The following GPC6 variants were observed in gnomAD, a reference collection of about 807,000 sequenced individuals.
GPC6 encodes glypican-6.
GPC6 carries 14 observed loss-of-function variants against 55.2 expected under a neutral mutation model. That is an observed-to-expected ratio of 0.25 (90% CI 0.17 to 0.40). The LOEUF (loss-of-function observed/expected upper bound fraction) is 0.40. Among genes scored for constraint, GPC6 ranks in the 10% least tolerant of loss-of-function variants. The pLI, the probability that GPC6 is intolerant of heterozygous loss-of-function variation, is 1.00. For missense variants in GPC6, 641 were observed against 708.5 expected, an observed-to-expected ratio of 0.90 and a Z score of 1.08; for synonymous variants, 278 against 259.6, an observed-to-expected ratio of 1.07 and a Z score of -0.68.
At chr13:93,799,888 G>GA (rs993042027) in intron 2 of GPC6, among the ~76,000 whole-genome samples, 8 of 152,122 alleles carry the variant, frequency 5.3e-5, no homozygotes, top group African/African-American at 7.2e-5. Flanking sequence ...CTATCTAGTG[G>GA]AAAAAATTCC....
chr13:93,538,308 A>G (rs1006822663), intron 1 of GPC6, among the ~76,000 whole-genome samples: 1 of 152,204 alleles, frequency 6.6e-6, no homozygotes, highest in Non-Finnish European at 1.5e-5. Context: ...ATATGTAAGA[A>G]GCTGCCTTAC....
chr13:93,418,380 T>A (rs1360189588), intron 1 of GPC6, among the ~76,000 whole-genome samples: 2 of 151,334 alleles, frequency 1.3e-5, no homozygotes, highest in Non-Finnish European at 3.0e-5. Flanking sequence ...AGTATTATTT[T>A]ATTAATAACA....
At chr13:93,580,980 T>C (rs1876910284) in intron 2 of GPC6, among the ~76,000 whole-genome samples, 1 of 152,206 alleles carries the variant, frequency 6.6e-6, no homozygotes, top group African/African-American at 2.4e-5. Flanking sequence ...CAAAAGGATT[T>C]GTCACATTAA....
chr13:93,981,261 C>G (rs937548213), intron 3 of GPC6, among the ~76,000 whole-genome samples: 1 of 151,958 alleles, frequency 6.6e-6, no homozygotes, highest in South Asian at 2.1e-4. Flanking sequence ...ATCTGATGAG[C>G]CCATTGTAAA....
intron 2 of GPC6, among the ~76,000 whole-genome samples, chr13:93,582,934 C>T (rs1287561179): frequency 6.6e-6 from 1 of 152,136 alleles, no homozygotes; most frequent in Non-Finnish European, 1.5e-5. Context: ...TTTCAGAATC[C>T]GTGTAGATGT....
intron 1 of GPC6, among the ~76,000 whole-genome samples, chr13:93,307,296 T>C (rs763392309): frequency 2.6e-5 from 4 of 152,100 alleles, no homozygotes; most frequent in Non-Finnish European, 5.9e-5. Context: ...GAAAAGTGAA[T>C]CATGTACTCT....
chr13:93,404,990 A>C (rs548587161), intron 1 of GPC6, among the ~76,000 whole-genome samples: 169 of 152,338 alleles, frequency 1.1e-3, no homozygotes, highest in Admixed American at 2.0e-3. Flanking sequence ...GAAATATGAA[A>C]ATTAATGAAT....
intron 1 of GPC6, among the ~76,000 whole-genome samples, chr13:93,539,633 G>A (rs978534056): frequency 6.6e-6 from 1 of 151,656 alleles, no homozygotes; most frequent in Admixed American, 6.6e-5. Flanking sequence ...ACTAGCACAA[G>A]GATAAATCTG....
At chr13:94,238,422 A>G (rs1454896854) in intron 4 of GPC6, among the ~76,000 whole-genome samples, 1 of 152,158 alleles carries the variant, frequency 6.6e-6, no homozygotes, top group East Asian at 1.9e-4. Context: ...ACTGCACATG[A>G]GACCAGAGGT....
intron 6 of GPC6, among the ~76,000 whole-genome samples, chr13:94,306,538 G>T (rs900765916): frequency 6.6e-6 from 1 of 152,034 alleles, no homozygotes; most frequent in Non-Finnish European, 1.5e-5. Flanking sequence ...TATTTGCAAA[G>T]TTTTCTGTTT....
chr13:93,522,331 A>G (rs1881450688), intron 1 of GPC6, among the ~76,000 whole-genome samples: 1 of 152,036 alleles, frequency 6.6e-6, no homozygotes, highest in Non-Finnish European at 1.5e-5. Context: ...GATTCCTGGA[A>G]TAATCCAGTT....
chr13:93,444,462 C>A (rs1877923577), intron 1 of GPC6, among the ~76,000 whole-genome samples: 1 of 152,030 alleles, frequency 6.6e-6, no homozygotes, highest in Admixed American at 6.6e-5. Context: ...CAAAAATTAG[C>A]CGGGTGTGGT....
chr13:93,990,938 G>GAGGAAGGAAGGAAGGAAGGAAAGA (rs1881272797), intron 3 of GPC6, among the ~76,000 whole-genome samples: 1 of 146,286 alleles, frequency 6.8e-6, no homozygotes, highest in Non-Finnish European at 1.5e-5. Flanking sequence ...CGGGAGGGAG[G>GAGGAAGGAAGGAAGGAAGGAAAGA]AGGAAGGAAG....
At chr13:93,597,019 AAAAAAAAAAAAG>A (rs1483393455) in intron 2 of GPC6, among the ~76,000 whole-genome samples, 96 of 150,058 alleles carry the variant, frequency 6.4e-4, no homozygotes, top group African/African-American at 2.3e-3. Flanking sequence ...AAAAAAAAAA[AAAAAAAAAAAAG>A]AAAAGAAAAG....
rs541291503 is a variant in GPC6 at position 93,996,429 on chromosome 13, C to T, written c.712-31300C>T. Among the ~76,000 whole-genome samples, 166 of 152,160 alleles carry T rather than the reference C, an allele frequency of 1.1e-3. 1 individual carries two copies. The highest frequency in any genetic ancestry group is 2.0e-3 in the Non-Finnish European group (138 of 68,018). On this transcript the variant is annotated intron_variant, in intron 3 of 8. Coordinates refer to ENST00000377047, the MANE Select transcript of GPC6 (RefSeq NM_005708.5). ...CAGACTTGGTTTCAATAAAACTTTT[C>T]GAGTGATGTAATGGCCTTCCTTTGT...
chr13:93,434,163 C>A lies in GPC6; in HGVS notation c.161-111100C>A, dbSNP rs9561349. Reference sequence around the variant, plus strand: ...GAGTGTCATGTTGGTGATGGCTTTGCCTCTGCCCATGCAACCGTTCTCACA... The same window carrying A: ...GAGTGTCATGTTGGTGATGGCTTTGACTCTGCCCATGCAACCGTTCTCACA... On this transcript the variant is annotated intron_variant, in intron 1 of 8. Coordinates refer to ENST00000377047, the MANE Select transcript of GPC6 (RefSeq NM_005708.5). Among the ~76,000 whole-genome samples the A allele has an allele frequency of 0.012, 1,788 of 152,250 alleles. 217 individuals are homozygous for A. In the East Asian group the frequency reaches 0.28, roughly 24 times the overall value.
chr13:93,785,419 G>T (rs1885789674), intron 2 of GPC6, among the ~76,000 whole-genome samples: 1 of 152,134 alleles, frequency 6.6e-6, no homozygotes, highest in South Asian at 2.1e-4. Flanking sequence ...AAGACCTATA[G>T]CCATGGTAAT....
intron 1 of GPC6, among the ~76,000 whole-genome samples, chr13:93,451,617 G>T (rs908466862): frequency 1.3e-5 from 2 of 152,228 alleles, no homozygotes; most frequent in Admixed American, 1.3e-4. Context: ...GAGTTGAGTA[G>T]TTGCAGCAGG....
chr13:93,655,003 A>ATTTTTTTT (rs3884231), intron 2 of GPC6, among the ~76,000 whole-genome samples: 13 of 104,730 alleles, frequency 1.2e-4, no homozygotes, highest in Non-Finnish European at 1.8e-4. Flanking sequence ...TGCCCGGCTA[A>ATTTTTTTT]TTTTTTTTTT....
Sources: gnomAD v4.1 joint callset for allele counts (sites outside exome capture counted in the v4.1 genomes callset) on GRCh38, gnomAD v4.1.1 for gene constraint, MANE v1.5 for transcripts, NCBI Gene and HGNC (gene_info 2026-07-23, HGNC 2026-07-21) for gene names.